TRIM37: variants seen among roughly 807,000 people sequenced by gnomAD.
TRIM37 encodes tripartite motif containing 37, also known as E3 ubiquitin-protein ligase TRIM37.
A neutral mutation model predicts 129.8 loss-of-function variants in TRIM37; 80 were observed. That is an observed-to-expected ratio of 0.62 (90% CI 0.51 to 0.74). TRIM37 has a LOEUF of 0.74. Ranked by LOEUF, TRIM37 falls within the 30% of genes least tolerant of loss-of-function variation. The probability of loss-of-function intolerance (pLI) is 0.00; values close to 1 mark genes in which losing one functional copy is unlikely to be tolerated. For synonymous variants in TRIM37, 389 were observed against 387.1 expected (o/e 1.00, Z -0.06); for missense variants, 1,054 against 1,176.5 (o/e 0.90, Z 1.52).
intron 12 of TRIM37, among the ~76,000 whole-genome samples, chr17:59,057,573 G>C (rs987559182): frequency 2.0e-5 from 3 of 152,188 alleles, no homozygotes; most frequent in Non-Finnish European, 4.4e-5. Context: ...GCCCAGGCTA[G>C]AGGGCAGTGG....
At chr17:59,039,409 C>A (rs1238794851) in intron 17 of TRIM37, among the ~76,000 whole-genome samples, 1 of 150,884 alleles carries the variant, frequency 6.6e-6, no homozygotes, top group African/African-American at 2.4e-5. Context: ...TGCGGTGGCG[C>A]AATCTCAGCT....
rs1303306761 is a variant in TRIM37, at chr17:59,028,862, T to C, written c.1949-139A>G. On this transcript the variant is annotated intron_variant, in intron 18 of 23. Transcript: ENST00000262294. ...TATCAACAATAAAACATGCACTAAA[T>C]TCCATTAATGAAAATAAAGATAAAG... 2.0e-5 allele frequency: 16 copies of C among 803,564 alleles called. No homozygotes were observed. In the East Asian group the frequency reaches 3.5e-4, roughly 17 times the overall value. The allele number at this position is 803,564 out of a possible 1,614,324, so 49.8% of individuals were successfully genotyped here.
At chr17:59,078,391 G>T (rs1311848695) in intron 7 of TRIM37, among the ~76,000 whole-genome samples, 1 of 152,108 alleles carries the variant, frequency 6.6e-6, no homozygotes, top group Non-Finnish European at 1.5e-5. Context: ...AGTTATACAG[G>T]TAGTAAAATT....
At chr17:59,078,602 T>C (rs1042646676) in intron 7 of TRIM37, among the ~76,000 whole-genome samples, 15 of 152,226 alleles carry the variant, frequency 9.9e-5, no homozygotes, top group Admixed American at 7.2e-4. Context: ...GTACTCTACA[T>C]GGCTTAATGA....
chr17:59,005,529 C>A (rs151206042), intron 22 of TRIM37, among the ~76,000 whole-genome samples: 1 of 152,178 alleles, frequency 6.6e-6, no homozygotes, highest in African/African-American at 2.4e-5. Context: ...GTGATCTACC[C>A]GCTTCGGCCT....
intron 5 of TRIM37, among the ~76,000 whole-genome samples, chr17:59,083,125 T>C (rs1256621248): frequency 6.6e-6 from 1 of 152,164 alleles, no homozygotes; most frequent in Non-Finnish European, 1.5e-5. Flanking sequence ...CTTATTATTG[T>C]AAGGAGATCA....
chr17:59,056,320 C>T (rs771303398), intron 13 of TRIM37, among the ~76,000 whole-genome samples: 5 of 151,944 alleles, frequency 3.3e-5, no homozygotes, highest in Non-Finnish European at 7.4e-5. Context: ...ATGGAAACAC[C>T]GGCGCACCAC....
chr17:59,069,734 G>A (rs1188614608), intron 9 of TRIM37, among the ~76,000 whole-genome samples: 4 of 152,178 alleles, frequency 2.6e-5, no homozygotes, highest in Non-Finnish European at 4.4e-5. Context: ...CAATGTGACT[G>A]TATCTATAGC....
At chr17:58,967,271 T>C in the TRIM37 span, among the ~76,000 whole-genome samples, 25 of 152,342 alleles carry the variant, frequency 1.6e-4, no homozygotes, top group African/African-American at 5.5e-4. Flanking sequence ...GCATGTGTTT[T>C]GTTTGACATA....
chr17:59,091,820 T>C (rs1379034070), intron 2 of TRIM37, among the ~76,000 whole-genome samples: 2 of 151,200 alleles, frequency 1.3e-5, no homozygotes, highest in Admixed American at 6.7e-5. Flanking sequence ...AAAAGGCTAC[T>C]CTCACACAGG....
intron 8 of TRIM37, 107 bp from the exon 9 acceptor site, chr17:59,071,054 TA>T: frequency 7.8e-7 from 1 of 1,285,524 alleles, no homozygotes; most frequent in Non-Finnish European, 1.1e-6. Context: ...AAAAAAATGA[TA>T]AAAATAACTC....
rs2035104081 is a variant in TRIM37, at chr17:59,010,404, A to G, written c.2695+1924T>C. Among the ~76,000 whole-genome samples the G allele has an allele frequency of 2.6e-5, 4 of 152,204 alleles. No homozygotes were observed. In the South Asian group the frequency reaches 8.3e-4, roughly 32 times the overall value. On this transcript the variant is annotated intron_variant, in intron 22 of 23. Transcript: ENST00000262294. Reference sequence around the variant, plus strand: ...CAAAGGTGGAGAAAGTCTGAACTAGATAGTAAGTTCAGGAATTTTATCACT... The same window carrying G: ...CAAAGGTGGAGAAAGTCTGAACTAGGTAGTAAGTTCAGGAATTTTATCACT...
chr17:59,049,533 C>A, intron 14 of TRIM37, 140 bp from the exon 15 acceptor site: 1 of 826,534 alleles, frequency 1.2e-6, no homozygotes. Context: ...CACTCTGTTG[C>A]CCAGGCTGAA....
At chr17:59,039,138 A>G (rs957066370) in intron 17 of TRIM37, among the ~76,000 whole-genome samples, 4 of 152,156 alleles carry the variant, frequency 2.6e-5, no homozygotes, top group African/African-American at 4.8e-5. Flanking sequence ...AGTAAACATG[A>G]AATGCATGTA....
At chr17:59,012,845 C>T (rs2035467033) in intron 21 of TRIM37, among the ~76,000 whole-genome samples, 1 of 150,136 alleles carries the variant, frequency 6.7e-6, no homozygotes, top group African/African-American at 2.5e-5. Context: ...CATTGCACTC[C>T]AGCCTGGGCA....
intron 19 of TRIM37, among the ~76,000 whole-genome samples, chr17:59,022,257 A>C (rs1337991154): frequency 6.6e-6 from 1 of 152,178 alleles, no homozygotes; most frequent in Admixed American, 6.5e-5. Context: ...TTTTTTTAAA[A>C]AAAGTATAGG....
intron 17 of TRIM37, among the ~76,000 whole-genome samples, chr17:59,033,518 C>G (rs1223352650): frequency 1.3e-5 from 2 of 152,058 alleles, no homozygotes; most frequent in African/African-American, 2.4e-5. Context: ...CGGCAACCTC[C>G]GCCTCCTGGG....
At chr17:59,004,870 T>C (rs980007787) in intron 22 of TRIM37, among the ~76,000 whole-genome samples, 4 of 152,196 alleles carry the variant, frequency 2.6e-5, no homozygotes, top group Non-Finnish European at 4.4e-5. Flanking sequence ...AAGAGTTTGG[T>C]TAGCATTATT....
At chr17:59,087,401 T>C (rs1474833248) in intron 4 of TRIM37, among the ~76,000 whole-genome samples, 1 of 151,916 alleles carries the variant, frequency 6.6e-6, no homozygotes, top group Non-Finnish European at 1.5e-5. Context: ...GCCCGAATAG[T>C]AGGTTTTAAT....
Sources: allele counts gnomAD v4.1 joint callset (sites outside exome capture counted in the v4.1 genomes callset), GRCh38; gene constraint gnomAD v4.1.1; transcripts MANE v1.5; gene names NCBI Gene and HGNC (gene_info 2026-07-23, HGNC 2026-07-21).